GLIS3: variants seen among roughly 807,000 people sequenced by gnomAD.
GLIS3 encodes zinc finger protein GLIS3.
In GLIS3, 53 loss-of-function variants were observed where a neutral mutation model predicts 78.6. The observed-to-expected ratio is 0.67, with a 90% confidence interval of 0.54 to 0.85. GLIS3 has a LOEUF of 0.85. GLIS3 is among the 40% of genes least tolerant of loss of function. The pLI is 0.00. For missense variants in GLIS3, 1,703 were observed against 1,231.1 expected (o/e 1.38, Z -5.74); for synonymous variants, 684 against 509.9 (o/e 1.34, Z -4.60).
intron 4 of GLIS3, among the ~76,000 whole-genome samples, chr9:4,019,796 A>G (rs1326697527): frequency 6.6e-6 from 1 of 152,140 alleles, no homozygotes; most frequent in Non-Finnish European, 1.5e-5. Context: ...GCAGTGGGGC[A>G]ATCACAGCTC....
intron 2 of GLIS3, among the ~76,000 whole-genome samples, chr9:4,205,401 CAGGGAT>C (rs1033033704): frequency 1.3e-5 from 2 of 152,142 alleles, no homozygotes; most frequent in African/African-American, 4.8e-5. Flanking sequence ...CGAATTGGTT[CAGGGAT>C]AGGCAGGACC....
At chr9:4,326,143 A>G (rs1035419743) in intron 2 of GLIS3, among the ~76,000 whole-genome samples, 1 of 152,184 alleles carries the variant, frequency 6.6e-6, no homozygotes, top group Non-Finnish European at 1.5e-5. Flanking sequence ...GCATCGAACC[A>G]CCGTGGCACA....
intron 4 of GLIS3, among the ~76,000 whole-genome samples, chr9:4,030,543 T>A (rs913294366): frequency 2.6e-5 from 4 of 152,178 alleles, no homozygotes; most frequent in African/African-American, 9.7e-5. Context: ...CTTTCCCCCA[T>A]GTTTTCTTGT....
chr9:4,281,606 T>A (rs1216470476), intron 2 of GLIS3, among the ~76,000 whole-genome samples: 2 of 152,238 alleles, frequency 1.3e-5, no homozygotes, highest in African/African-American at 4.8e-5. Context: ...GTGGCATGTG[T>A]CAGAACTTCC....
chr9:4,120,858 G>C (rs1017677562), intron 3 of GLIS3, among the ~76,000 whole-genome samples: 3 of 152,154 alleles, frequency 2.0e-5, no homozygotes, highest in South Asian at 4.1e-4. Context: ...TATATACTTT[G>C]CTTATAAAAT....
chr9:3,895,344 A>G (rs1364125017), intron 7 of GLIS3, among the ~76,000 whole-genome samples: 1 of 152,212 alleles, frequency 6.6e-6, no homozygotes, highest in African/African-American at 2.4e-5. Context: ...AGGGCAAAAA[A>G]TATAAATGAG....
At chr9:4,464,638 A>G in the GLIS3 span, among the ~76,000 whole-genome samples, 1 of 152,052 alleles carries the variant, frequency 6.6e-6, no homozygotes, top group African/African-American at 2.4e-5. Flanking sequence ...CAAGTGATCC[A>G]CCTCCTTTGG....
intron 5 of GLIS3, among the ~76,000 whole-genome samples, chr9:3,935,717 T>C (rs1175410173): frequency 6.6e-6 from 1 of 152,174 alleles, no homozygotes; most frequent in East Asian, 1.9e-4. Flanking sequence ...TTTAACACAA[T>C]TTATTCTTTT....
chr9:4,015,225 G>T (rs1020374955), intron 4 of GLIS3, among the ~76,000 whole-genome samples: 18 of 152,190 alleles, frequency 1.2e-4, no homozygotes, highest in African/African-American at 4.1e-4. Context: ...GCAGGGATGT[G>T]AGGAAGGGGG....
At chr9:3,967,880 A>G (rs1818076546) in intron 4 of GLIS3, among the ~76,000 whole-genome samples, 1 of 152,190 alleles carries the variant, frequency 6.6e-6, no homozygotes, top group South Asian at 2.1e-4. Flanking sequence ...TTTAAGGGGG[A>G]GAGTGATGGA....
intron 4 of GLIS3, among the ~76,000 whole-genome samples, chr9:3,991,823 TG>T (rs1554666788): frequency 2.6e-5 from 4 of 151,770 alleles, no homozygotes; most frequent in Non-Finnish European, 5.9e-5. Flanking sequence ...CCCGAGTAGC[TG>T]GGACTACAGG....
chr9:4,032,384 T>C (rs895654259), intron 4 of GLIS3, among the ~76,000 whole-genome samples: 34 of 152,210 alleles, frequency 2.2e-4, no homozygotes, highest in Non-Finnish European at 1.3e-4. Context: ...CAGAAGTCTA[T>C]AAAAATTACA....
At chr9:3,992,134 T>C (rs992687115) in intron 4 of GLIS3, among the ~76,000 whole-genome samples, 4 of 152,340 alleles carry the variant, frequency 2.6e-5, no homozygotes, top group African/African-American at 9.6e-5. Context: ...TGTCTGTTCC[T>C]GTCACAGTCA....
At chr9:4,055,183 T>A (rs1563992345) in intron 4 of GLIS3, among the ~76,000 whole-genome samples, 1 of 152,176 alleles carries the variant, frequency 6.6e-6, no homozygotes, top group Non-Finnish European at 1.5e-5. Context: ...CTTCTCAGCA[T>A]ATGGAGTTGT....
intron 4 of GLIS3, among the ~76,000 whole-genome samples, chr9:4,018,581 T>C (rs1376345389): frequency 6.6e-6 from 1 of 151,906 alleles, no homozygotes; most frequent in Non-Finnish European, 1.5e-5. Context: ...GGTTAGTGGG[T>C]TTCAAGAAGG....
At chr9:3,835,365 C>T (rs559810780) in intron 9 of GLIS3, among the ~76,000 whole-genome samples, 1 of 152,164 alleles carries the variant, frequency 6.6e-6, no homozygotes, top group African/African-American at 2.4e-5. Flanking sequence ...CAGAATTTCC[C>T]CCTCCAGAGT....
At chr9:4,316,669 CCT>C (rs1329972265) in intron 2 of GLIS3, among the ~76,000 whole-genome samples, 1 of 152,076 alleles carries the variant, frequency 6.6e-6, no homozygotes, top group Admixed American at 6.5e-5. Context: ...GTGAGTGTGC[CCT>C]GAGATGGGAC....
At chr9:4,412,722 T>G in the GLIS3 span, among the ~76,000 whole-genome samples, 1 of 152,178 alleles carries the variant, frequency 6.6e-6, no homozygotes, top group Non-Finnish European at 1.5e-5. Flanking sequence ...TAGTCTACAT[T>G]TCCCAGACTC....
chr9:4,372,603 T>G, the GLIS3 span, among the ~76,000 whole-genome samples: 2 of 151,576 alleles, frequency 1.3e-5, no homozygotes, highest in Admixed American at 6.6e-5. Flanking sequence ...AAATTCTAAC[T>G]TAAGGAATTT....
Sources: gnomAD v4.1 joint callset for allele counts (sites outside exome capture counted in the v4.1 genomes callset) on GRCh38, gnomAD v4.1.1 for gene constraint, MANE v1.5 for transcripts, NCBI Gene and HGNC (gene_info 2026-07-23, HGNC 2026-07-21) for gene names.